TRERF1: variants seen among roughly 807,000 people sequenced by gnomAD.
The protein encoded by TRERF1 is transcriptional regulating factor 1.
Under a neutral mutation model 122.9 loss-of-function variants are expected in TRERF1, and 27 were observed. The observed-to-expected ratio is 0.22, with a 90% confidence interval of 0.16 to 0.30. The LOEUF is 0.30. Among genes scored for constraint, TRERF1 ranks in the 10% least tolerant of loss-of-function variants. TRERF1 has a pLI of 1.00. For synonymous variants in TRERF1, 636 were observed against 641.7 expected (o/e 0.99, Z 0.13); for missense variants, 1,248 against 1,560.3 (o/e 0.80, Z 3.37).
chr6:42,427,259 GT>G (rs941073982), intron 2 of TRERF1, among the ~76,000 whole-genome samples: 6 of 152,124 alleles, frequency 3.9e-5, no homozygotes, highest in Non-Finnish European at 7.4e-5. Context: ...TTGGTTTATT[GT>G]TTGTTAAATT....
At chr6:42,347,302 A>G (rs975464524) in intron 3 of TRERF1, among the ~76,000 whole-genome samples, 30 of 152,176 alleles carry the variant, frequency 2.0e-4, no homozygotes, top group African/African-American at 6.8e-4. Context: ...TGTTCATTCA[A>G]CGAGGATTTA....
chr6:42,408,290 T>C (rs34965697), intron 2 of TRERF1, among the ~76,000 whole-genome samples: 1 of 141,234 alleles, frequency 7.1e-6, no homozygotes, highest in Admixed American at 7.0e-5. Context: ...TACACATGTG[T>C]GTGTATGTAT....
chr6:42,410,959 C>T (rs1781020866), intron 2 of TRERF1, among the ~76,000 whole-genome samples: 1 of 152,186 alleles, frequency 6.6e-6, no homozygotes, highest in African/African-American at 2.4e-5. Flanking sequence ...GTCCAGTGGG[C>T]AGGCCTCCTG....
At chr6:42,419,247 C>T (rs1782391445) in intron 2 of TRERF1, among the ~76,000 whole-genome samples, 1 of 116,444 alleles carries the variant, frequency 8.6e-6, no homozygotes. Flanking sequence ...TTCCCCCCAC[C>T]GCCCCACCCC....
At chr6:42,377,720 C>T (rs1024643724) in intron 2 of TRERF1, among the ~76,000 whole-genome samples, 5 of 152,288 alleles carry the variant, frequency 3.3e-5, no homozygotes, top group South Asian at 2.1e-4. Context: ...ATTTTCCAAA[C>T]GCACAGTGGC....
At chr6:42,400,244 C>T (rs1779193332) in intron 2 of TRERF1, among the ~76,000 whole-genome samples, 1 of 152,212 alleles carries the variant, frequency 6.6e-6, no homozygotes. Context: ...ACCACTATTA[C>T]ACAATGGAGA....
At position 42,259,373 on chromosome 6, in the gene TRERF1, C is replaced by T; in HGVS notation, c.2235G>A (p.Leu745=). Residue 745 remains leucine (L), a synonymous_variant, in exon 9 of 18, where the codon CTG becomes CTA. Coordinates refer to ENST00000372922, the Ensembl canonical transcript of TRERF1. This position sits in a 1 kb window ranked among gnomAD's most constrained non-coding sequence, Gnocchi z 4.9. Reference sequence around the variant, plus strand: ...ACAGCAGCACCCGTGGTGTGGGCGTCAGGGGCGTCAGGGGCAGCTGCGGGT... The same window carrying T: ...ACAGCAGCACCCGTGGTGTGGGCGTTAGGGGCGTCAGGGGCAGCTGCGGGT... 1 of 1,518,808 alleles carries T rather than the reference C, an allele frequency of 6.6e-7. No individual in the cohort carries two copies. The highest frequency in any genetic ancestry group is 8.7e-7 in the Non-Finnish European group (1 of 1,143,958). 94.1% of individuals were successfully genotyped at this position (1,518,808 alleles called of 1,614,324 possible). A position where few individuals can be genotyped will look rare whatever the true frequency, so the allele number is the denominator to read the frequency against.
intron 2 of TRERF1, among the ~76,000 whole-genome samples, chr6:42,414,629 T>A (rs1320759435): frequency 2.6e-5 from 4 of 152,230 alleles, no homozygotes; most frequent in Non-Finnish European, 5.9e-5. Context: ...AAATACACTT[T>A]ACATTGCAAT....
At chr6:42,413,731 A>G (rs1300990709) in intron 2 of TRERF1, among the ~76,000 whole-genome samples, 1 of 152,134 alleles carries the variant, frequency 6.6e-6, no homozygotes. Flanking sequence ...GCAGCCCAGA[A>G]TCTGCGTTTT....
chr6:42,343,727 T>A (rs1207567155), intron 3 of TRERF1, among the ~76,000 whole-genome samples: 1 of 152,224 alleles, frequency 6.6e-6, no homozygotes, highest in Non-Finnish European at 1.5e-5. Context: ...GTGTTTGTGG[T>A]GGTGCTGTTT....
chr6:42,339,337 T>C (rs2150686323), intron 3 of TRERF1, among the ~76,000 whole-genome samples: 1 of 152,306 alleles, frequency 6.6e-6, no homozygotes, highest in South Asian at 2.1e-4. Flanking sequence ...TTTCCATCAG[T>C]TTTTGTACCA....
chr6:42,449,249 G>C (rs938854712), intron 2 of TRERF1, among the ~76,000 whole-genome samples: 4 of 152,244 alleles, frequency 2.6e-5, no homozygotes, highest in African/African-American at 9.6e-5. Context: ...TACAGCAGAA[G>C]GGAAATGCTC....
At chr6:42,365,548 C>A (rs573252838) in intron 2 of TRERF1, among the ~76,000 whole-genome samples, 2 of 152,294 alleles carry the variant, frequency 1.3e-5, no homozygotes, top group Non-Finnish European at 2.9e-5. Context: ...CCTTGAGCAC[C>A]TACTAAGTGC....
At chr6:42,397,238 G>A (rs1195624054) in intron 2 of TRERF1, among the ~76,000 whole-genome samples, 1 of 152,082 alleles carries the variant, frequency 6.6e-6, no homozygotes, top group Non-Finnish European at 1.5e-5. Flanking sequence ...TAACTGGGTT[G>A]GGACCTCATG....
intron 2 of TRERF1, among the ~76,000 whole-genome samples, chr6:42,426,983 C>T (rs1783715121): frequency 6.6e-6 from 1 of 151,472 alleles, no homozygotes; most frequent in Non-Finnish European, 1.5e-5. Context: ...TAACCTAAAC[C>T]AAGGTAATAT....
At chr6:42,254,704 G>T in intron 13 of TRERF1, 147 bp downstream of exon 13, 1 of 732,684 alleles carries the variant, frequency 1.4e-6, no homozygotes, top group Non-Finnish European at 2.4e-6. Flanking sequence ...CAAAGCAACA[G>T]ACATAGCTCT....
chr6:42,256,766 C>T, exon 12 of TRERF1: 1 of 1,614,222 alleles, frequency 6.2e-7, no homozygotes, highest in African/African-American at 1.3e-5. Context: ...GAGTGCAAAG[C>T]AAATTCAGAA....
Position 42,269,111 on chromosome 6 carries a change from G to A in TRERF1, c.480C>T (p.Asn160=), listed in dbSNP as rs750479006. Reference sequence around the variant, plus strand: ...GAGTGTGCAGCACCTGGGCCATATTGTTGACCTGAATTCGCAGGTTTTGGT... The same window carrying A: ...GAGTGTGCAGCACCTGGGCCATATTATTGACCTGAATTCGCAGGTTTTGGT... Residue 160 remains asparagine (N), a synonymous_variant, in exon 5 of 18, where the codon AAC becomes AAT. Coordinates refer to ENST00000372922, the Ensembl canonical transcript of TRERF1. This position sits in a 1 kb window ranked among gnomAD's most constrained non-coding sequence, Gnocchi z 4.9. 6.2e-7 allele frequency: 1 copy of A among 1,614,222 alleles called. No individual in the cohort carries two copies. The highest frequency in any genetic ancestry group is 8.5e-7 in the Non-Finnish European group (1 of 1,180,038).
In TRERF1 at chr6:42,232,834, T is replaced by G; in HGVS notation, c.3125A>C (p.Gln1042Pro). Residue 1042 changes from glutamine to proline, a missense_variant, in exon 17 of 18, where the codon CAG becomes CCG. Gln to Pro is a moderately conservative substitution (Grantham distance 76, BLOSUM62 -1). Coordinates refer to ENST00000372922, the Ensembl canonical transcript of TRERF1. The surrounding 1 kb of genome is among the most constrained non-coding windows in gnomAD (Gnocchi z 4.5). Reference sequence around the variant, plus strand: ...GATGGCACCTCGGGCCTTGGTCACCTGGTTGGTGCCCCCGTGGATGCGGGC... The same window carrying G: ...GATGGCACCTCGGGCCTTGGTCACCGGGTTGGTGCCCCCGTGGATGCGGGC... 1 of 1,612,204 alleles carries G rather than the reference T, an allele frequency of 6.2e-7. No individual in the cohort carries two copies. The highest frequency in any genetic ancestry group is 2.2e-5 in the East Asian group (1 of 44,876).
Sources: allele counts gnomAD v4.1 joint callset (sites outside exome capture counted in the v4.1 genomes callset), GRCh38; gene constraint gnomAD v4.1.1; non-coding constraint Gnocchi (gnomAD v3.1); transcripts MANE v1.5; gene names NCBI Gene and HGNC (gene_info 2026-07-23, HGNC 2026-07-21).